CCDC102B: variants seen among roughly 807,000 people sequenced by gnomAD.
CCDC102B encodes the protein coiled-coil domain containing 102B.
In CCDC102B, 75 loss-of-function variants were observed where a neutral mutation model predicts 57.4. The ratio of observed to expected loss-of-function variants is 1.31; its 90% CI spans 1.08 to 1.58. CCDC102B has a LOEUF of 1.58. Ranked by LOEUF, CCDC102B falls within the 40% of genes most tolerant of loss-of-function variation. The probability of loss-of-function intolerance (pLI) is 0.00; values close to 1 mark genes in which losing one functional copy is unlikely to be tolerated. For missense variants in CCDC102B, 636 were observed against 582.6 expected (o/e 1.09, Z -0.94); for synonymous variants, 206 against 201.9 (o/e 1.02, Z -0.17).
At chr18:69,031,244 T>C (rs1292308547) in intron 7 of CCDC102B, among the ~76,000 whole-genome samples, 8 of 152,148 alleles carry the variant, frequency 5.3e-5, no homozygotes, top group Non-Finnish European at 1.2e-4. Context: ...ATTGTAGTCC[T>C]TTTTAGTGAC....
intron 6 of CCDC102B, among the ~76,000 whole-genome samples, chr18:68,909,265 C>G (rs1171245068): frequency 1.3e-5 from 2 of 151,976 alleles, no homozygotes; most frequent in Admixed American, 1.3e-4. Context: ...AGGAATGCAT[C>G]ATGGTATCTG....
chr18:68,921,792 G>C (rs762469278), intron 6 of CCDC102B, among the ~76,000 whole-genome samples: 2 of 152,140 alleles, frequency 1.3e-5, no homozygotes, highest in South Asian at 2.1e-4. Flanking sequence ...CAAATCTCCT[G>C]TAGAGCCTAT....
At chr18:68,746,585 A>T (rs2033628806) in intron 2 of CCDC102B, among the ~76,000 whole-genome samples, 1 of 152,090 alleles carries the variant, frequency 6.6e-6, no homozygotes, top group Non-Finnish European at 1.5e-5. Flanking sequence ...AGAAAAACAC[A>T]ATTTTCTAAC....
chr18:68,990,237 G>A (rs1049072718), intron 6 of CCDC102B, among the ~76,000 whole-genome samples: 1 of 152,188 alleles, frequency 6.6e-6, no homozygotes. Context: ...TTGGCTACAT[G>A]TAGGGGCCAG....
chr18:69,044,536 G>A (rs929137125), intron 7 of CCDC102B, among the ~76,000 whole-genome samples: 2 of 152,132 alleles, frequency 1.3e-5, no homozygotes, highest in Non-Finnish European at 2.9e-5. Context: ...CTCTGAGAAA[G>A]ACTGATTGAA....
At chr18:68,944,089 T>C (rs969747765) in intron 6 of CCDC102B, among the ~76,000 whole-genome samples, 7 of 152,126 alleles carry the variant, frequency 4.6e-5, no homozygotes, top group East Asian at 1.9e-4. Context: ...TATCAGTTAA[T>C]TGGGCTCCTT....
chr18:68,779,906 G>T (rs1436613843), intron 2 of CCDC102B, among the ~76,000 whole-genome samples: 4 of 152,024 alleles, frequency 2.6e-5, no homozygotes, highest in African/African-American at 7.2e-5. Flanking sequence ...AATAGTTTTA[G>T]TATATTCACA....
At chr18:68,727,377 T>C (rs1280917128) in intron 2 of CCDC102B, among the ~76,000 whole-genome samples, 2 of 152,166 alleles carry the variant, frequency 1.3e-5, no homozygotes, top group Non-Finnish European at 2.9e-5. Flanking sequence ...CATTTATTAA[T>C]ACAGCCCCAA....
chr18:68,787,614 G>A (rs1316360961), intron 2 of CCDC102B, among the ~76,000 whole-genome samples: 11 of 150,502 alleles, frequency 7.3e-5, no homozygotes, highest in South Asian at 2.1e-4. Context: ...GTTTATTTGC[G>A]TAGAGGTGTT....
intron 6 of CCDC102B, among the ~76,000 whole-genome samples, chr18:68,969,529 A>G (rs2050248742): frequency 6.7e-6 from 1 of 150,264 alleles, no homozygotes; most frequent in Admixed American, 6.7e-5. Context: ...TGTGAGATCA[A>G]TCCCTGCAAT....
chr18:68,842,018 C>T (rs1051456469), intron 3 of CCDC102B, among the ~76,000 whole-genome samples: 7 of 152,026 alleles, frequency 4.6e-5, no homozygotes, highest in Non-Finnish European at 1.0e-4. Flanking sequence ...GGATTACAGG[C>T]GTGAGCCACT....
intron 7 of CCDC102B, among the ~76,000 whole-genome samples, chr18:69,026,337 C>T (rs965489003): frequency 3.3e-5 from 5 of 151,356 alleles, no homozygotes; most frequent in East Asian, 1.9e-4. Context: ...TATGGTGGTG[C>T]GGACCTGTAA....
intron 5 of CCDC102B, among the ~76,000 whole-genome samples, chr18:68,877,975 CA>C (rs962766121): frequency 1.0e-3 from 156 of 151,968 alleles, no homozygotes; most frequent in African/African-American, 3.7e-3. Flanking sequence ...AAGCACATAT[CA>C]AAAAAGAGAG....
intron 5 of CCDC102B, among the ~76,000 whole-genome samples, chr18:68,886,375 T>A (rs566293025): frequency 6.6e-6 from 1 of 151,674 alleles, no homozygotes; most frequent in East Asian, 1.9e-4. Flanking sequence ...TTTCAGTAAA[T>A]GAAAAAAAAA....
In CCDC102B at chr18:68,856,771, A is replaced by T. The variant is rs189674511; in HGVS notation, c.936+10350A>T. Among the ~76,000 whole-genome samples, 25 of 152,030 alleles carry T rather than the reference A, an allele frequency of 1.6e-4. No individual in the cohort carries two copies. In the East Asian group the frequency reaches 4.6e-3, roughly 28 times the overall value. On this transcript the variant is annotated intron_variant, in intron 4 of 7. Transcript: ENST00000360242. ...ATATATATCTTGAAGATGTTTCTACATGGCATTTTCCTAAAATCACAATAA... is the reference window on the plus strand; with the variant it reads ...ATATATATCTTGAAGATGTTTCTACTTGGCATTTTCCTAAAATCACAATAA...
At chr18:68,848,910 G>C (rs2037994648) in intron 4 of CCDC102B, among the ~76,000 whole-genome samples, 1 of 152,028 alleles carries the variant, frequency 6.6e-6, no homozygotes, top group East Asian at 1.9e-4. Context: ...TTAGTCTCAA[G>C]GTAAAAAATT....
intron 6 of CCDC102B, among the ~76,000 whole-genome samples, chr18:68,902,503 A>G (rs2040490001): frequency 6.6e-6 from 1 of 152,152 alleles, no homozygotes; most frequent in Non-Finnish European, 1.5e-5. Flanking sequence ...CTCTTTATAG[A>G]TATATAGGAC....
At chr18:68,898,193 T>C (rs2040310548) in intron 6 of CCDC102B, among the ~76,000 whole-genome samples, 1 of 152,092 alleles carries the variant, frequency 6.6e-6, no homozygotes, top group Non-Finnish European at 1.5e-5. Context: ...AGCATCTTAA[T>C]GCACAATTCT....
intron 7 of CCDC102B, among the ~76,000 whole-genome samples, chr18:69,020,197 T>C (rs2051792340): frequency 1.3e-5 from 2 of 152,138 alleles, no homozygotes. Flanking sequence ...AGTTGCTAGA[T>C]GCTTATTATT....
Sources: allele counts gnomAD v4.1 joint callset (sites outside exome capture counted in the v4.1 genomes callset), GRCh38; gene constraint gnomAD v4.1.1; transcripts MANE v1.5; gene names NCBI Gene and HGNC (gene_info 2026-07-23, HGNC 2026-07-21).